Variants in DOCK10 observed in about 807,000 individuals in gnomAD.
The protein encoded by DOCK10 is dedicator of cytokinesis protein 10.
DOCK10 carries 145 observed loss-of-function variants against 280.1 expected under a neutral mutation model. That is an observed-to-expected ratio of 0.52 (90% CI 0.45 to 0.59). The LOEUF (loss-of-function observed/expected upper bound fraction) is 0.59, where lower values mean the gene tolerates loss of function less well. Among genes scored for constraint, DOCK10 ranks in the 20% least tolerant of loss-of-function variants. The probability of loss-of-function intolerance (pLI) is 0.00; values close to 1 mark genes in which losing one functional copy is unlikely to be tolerated. For synonymous variants in DOCK10, 915 were observed against 942.2 expected (o/e 0.97, Z 0.53); for missense variants, 2,368 against 2,651.7 (o/e 0.89, Z 2.35).
intron 1 of DOCK10, among the ~76,000 whole-genome samples, chr2:225,001,749 A>G (rs1706435964): frequency 6.6e-6 from 1 of 152,200 alleles, no homozygotes; most frequent in Non-Finnish European, 1.5e-5. Context: ...TCCATGATCG[A>G]GGCGTCGGCA....
chr2:224,986,387 G>A (rs1705973908), intron 1 of DOCK10, among the ~76,000 whole-genome samples: 1 of 152,024 alleles, frequency 6.6e-6, no homozygotes, highest in Non-Finnish European at 1.5e-5. Context: ...ATCCTAATAA[G>A]GTCATGATCA....
intron 1 of DOCK10, among the ~76,000 whole-genome samples, chr2:224,985,597 G>T (rs985244953): frequency 6.7e-5 from 10 of 148,830 alleles, no homozygotes; most frequent in Non-Finnish European, 1.2e-4. Context: ...GAAAAAGTAA[G>T]GCATTTCAAG....
At chr2:224,828,196 TA>T (rs1352675983) in intron 27 of DOCK10, among the ~76,000 whole-genome samples, 3 of 152,114 alleles carry the variant, frequency 2.0e-5, no homozygotes, top group African/African-American at 7.2e-5. Context: ...AAAGAGGCTA[TA>T]AAAATTAGCT....
At chr2:224,898,885 C>A (rs1414508081) in intron 3 of DOCK10, among the ~76,000 whole-genome samples, 2 of 152,280 alleles carry the variant, frequency 1.3e-5, no homozygotes, top group East Asian at 1.9e-4. Context: ...GATAATTGAG[C>A]CTTAATATGC....
chr2:224,815,860 A>T (rs1211114708), intron 30 of DOCK10, among the ~76,000 whole-genome samples: 1 of 152,074 alleles, frequency 6.6e-6, no homozygotes, highest in Admixed American at 6.6e-5. Context: ...ACATGGTGAA[A>T]CCTCTTCTCT....
Position 224,845,561 on chromosome 2 carries a change from C to A in DOCK10, c.2317G>T (p.Ala773Ser), listed in dbSNP as rs1424379864. Reference sequence around the variant, plus strand: ...TCCTTCTTTTTGGCATTAGCTTTTGCATTGATGTCACAGGTGACGTGATAA... The same window carrying A: ...TCCTTCTTTTTGGCATTAGCTTTTGAATTGATGTCACAGGTGACGTGATAA... Reference protein sequence around the residue: ...SFYHVTCDINAKANAKKKEAL... With the variant: ...SFYHVTCDINSKANAKKKEAL... Residue 773 changes from alanine (A) to serine (S), a missense_variant, in exon 20 of 56, where the codon GCA (alanine) becomes TCA (serine). Coordinates refer to ENST00000258390, the MANE Select transcript of DOCK10 (RefSeq NM_014689.3). 1.9e-6 allele frequency: 3 copies of A among 1,613,370 alleles called. No individual in the cohort carries two copies. The Admixed American group carries it at 5.0e-5, about 27-fold the overall frequency.
Position 225,017,885 on chromosome 2 carries a change from T to C in DOCK10, c.123+24367A>G, listed in dbSNP as rs554877555. ...CAAGTAATCCTGGTCTGGGCTATAA[T>C]TCTATTTATAATTTCATCTGTTCTT... On this transcript the variant is annotated intron_variant, in intron 1 of 55. Transcript: ENST00000258390. Among the ~76,000 whole-genome samples, 15 of 152,284 alleles carry C rather than the reference T, an allele frequency of 9.9e-5. No homozygotes were observed. The South Asian group carries it at 1.5e-3, about 15-fold the overall frequency.
intron 1 of DOCK10, among the ~76,000 whole-genome samples, chr2:225,040,290 G>C (rs1427571439): frequency 1.3e-5 from 2 of 152,130 alleles, no homozygotes; most frequent in Non-Finnish European, 1.5e-5. Flanking sequence ...TGCCAAAATA[G>C]CAGCCAAAAC....
intron 41 of DOCK10, among the ~76,000 whole-genome samples, chr2:224,798,756 C>T (rs148530758): frequency 0.012 from 1,829 of 151,994 alleles, 26 homozygotes; most frequent in African/African-American, 0.042. Context: ...CTCAGCCTTC[C>T]GAATAGCTGG....
At position 224,966,121 on chromosome 2, in the gene DOCK10, C is replaced by T. The variant is rs1042045017; in HGVS notation, c.124-34453G>A. ...CAAGCGGGCACAACAGACTCTCTGA[C>T]GCCTTCAGATATTTGGCAAACATTA... On this transcript the variant is annotated intron_variant, in intron 1 of 55. Coordinates refer to ENST00000258390, the MANE Select transcript of DOCK10 (RefSeq NM_014689.3). Among the ~76,000 whole-genome samples, 24 of 152,306 alleles carry T rather than the reference C, an allele frequency of 1.6e-4. No homozygotes were observed. In the East Asian group the frequency reaches 2.5e-3, roughly 16 times the overall value.
rs1339409123 is a variant in DOCK10, at chr2:224,804,221, G to T, written c.4167-8C>A. 1 of 1,570,828 alleles carries T rather than the reference G, an allele frequency of 6.4e-7. No homozygotes were observed. The highest frequency in any genetic ancestry group is 8.7e-7 in the Non-Finnish European group (1 of 1,144,444). On this transcript the variant is annotated splice_polypyrimidine_tract_variant and splice_region_variant and intron_variant, in intron 38 of 55. Transcript: ENST00000258390. ...AATGCAGCAGCAATTTTTCTGCAAT[G>T]AAAATGGAAGTTTTAATCATAGCTC...
At chr2:224,778,384 G>C in intron 50 of DOCK10, 100 bp from the exon 51 acceptor site, 1 of 1,199,810 alleles carries the variant, frequency 8.3e-7, no homozygotes, top group Non-Finnish European at 1.2e-6. Flanking sequence ...TACAGTTTTT[G>C]GTTGTCATCT....
At chr2:225,018,858 T>C (rs1689702337) in intron 1 of DOCK10, among the ~76,000 whole-genome samples, 2 of 147,562 alleles carry the variant, frequency 1.4e-5, no homozygotes, top group Non-Finnish European at 3.0e-5. Flanking sequence ...TCGTTATATA[T>C]GTGTATATAC....
chr2:224,841,896 C>T lies in DOCK10; in HGVS notation c.2569G>A (p.Asp857Asn), dbSNP rs144638149. Reference protein sequence around the residue: ...TFVVSTVNTQDPHVNAFFQEC... With the variant: ...TFVVSTVNTQNPHVNAFFQEC... ...TGGAAAAATGCATTCACATGTGGAT[C>T]CTACAACAGCAAAAAAAAAGTATTT... The change falls in exon 23 of 56, where the codon GAT becomes AAT. Residue 857 changes from aspartate to asparagine, a missense_variant and splice_region_variant. This residue lies in a region of DOCK10 where 1,209 missense variants were observed against 1,250.9 expected (regional missense o/e 0.97). Coordinates refer to ENST00000258390, the MANE Select transcript of DOCK10 (RefSeq NM_014689.3). 4,830 of 1,605,906 alleles carry T rather than the reference C, an allele frequency of 3.0e-3. 178 individuals are homozygous for T. In the East Asian group the frequency reaches 0.07, roughly 23 times the overall value.
chr2:224,979,080 C>T (rs183769939), intron 1 of DOCK10, among the ~76,000 whole-genome samples: 91 of 152,288 alleles, frequency 6.0e-4, no homozygotes, highest in Middle Eastern at 6.8e-3. Context: ...TCATTGCAAC[C>T]GCTTCCTAAT....
intron 1 of DOCK10, among the ~76,000 whole-genome samples, chr2:224,977,619 GTTTT>G (rs1175110396): frequency 6.6e-6 from 1 of 152,084 alleles, no homozygotes; most frequent in Non-Finnish European, 1.5e-5. Context: ...CCACCAAAAA[GTTTT>G]TTTGAGTGAG....
chr2:225,003,951 A>C (rs548161055), intron 1 of DOCK10, among the ~76,000 whole-genome samples: 19 of 152,322 alleles, frequency 1.2e-4, no homozygotes, highest in African/African-American at 4.6e-4. Flanking sequence ...AATGTTAATA[A>C]ACATGATAAT....
At chr2:224,900,277 T>TA (rs556099425) in intron 3 of DOCK10, among the ~76,000 whole-genome samples, 117 of 146,170 alleles carry the variant, frequency 8.0e-4, no homozygotes, top group African/African-American at 1.4e-3. Context: ...ATGATACTAG[T>TA]AAAAAAAAAA....
chr2:224,769,158 A>T lies in DOCK10; in HGVS notation c.6444+1053T>A, dbSNP rs545078740. 5.3e-5 allele frequency among the ~76,000 whole-genome samples: 8 copies of T among 152,246 alleles called. No individual in the cohort carries two copies. The South Asian group carries it at 1.7e-3, about 32-fold the overall frequency. On this transcript the variant is annotated intron_variant, in intron 55 of 55. Coordinates refer to ENST00000258390, the MANE Select transcript of DOCK10 (RefSeq NM_014689.3). ...TCCTGTCACCCCTCAAATAGCCTAA[A>T]CCAATACTACCTCCACGAGGAATCC...
Sources: gnomAD v4.1 joint callset for allele counts (sites outside exome capture counted in the v4.1 genomes callset) on GRCh38, gnomAD v4.1.1 for gene constraint, gnomAD v4.1.1 regional missense constraint, MANE v1.5 for transcripts, NCBI Gene and HGNC (gene_info 2026-07-23, HGNC 2026-07-21) for gene names.